Variants in ASTN2 observed in about 807,000 individuals in gnomAD.
ASTN2 encodes astrotactin-2.
Under a neutral mutation model 139.8 loss-of-function variants are expected in ASTN2, and 54 were observed. The observed-to-expected ratio is 0.39, with a 90% confidence interval of 0.31 to 0.48. ASTN2 has a LOEUF of 0.48. Among genes scored for constraint, ASTN2 ranks in the 20% least tolerant of loss-of-function variants. ASTN2 has a pLI of 0.95. For synonymous variants in ASTN2, 756 were observed against 719.5 expected, an observed-to-expected ratio of 1.05 and a Z score of -0.81; for missense variants, 1,565 against 1,725.1, an observed-to-expected ratio of 0.91 and a Z score of 1.64.
intron 10 of ASTN2, among the ~76,000 whole-genome samples, chr9:116,949,942 T>C (rs935218610): frequency 6.6e-6 from 1 of 152,228 alleles, no homozygotes; most frequent in Non-Finnish European, 1.5e-5. Context: ...GTCTAGCATA[T>C]GGAAAATGTT....
intron 10 of ASTN2, among the ~76,000 whole-genome samples, chr9:116,903,778 T>C (rs1190021159): frequency 6.6e-6 from 1 of 152,182 alleles, no homozygotes; most frequent in Admixed American, 6.5e-5. Flanking sequence ...TTTTTTTCCA[T>C]GCAGAGGCCT....
intron 5 of ASTN2, among the ~76,000 whole-genome samples, chr9:117,072,629 G>A (rs945953580): frequency 6.6e-6 from 1 of 152,164 alleles, no homozygotes; most frequent in African/African-American, 2.4e-5. Flanking sequence ...ATAGTTCCAG[G>A]GGCCCTGATC....
intron 11 of ASTN2, among the ~76,000 whole-genome samples, chr9:116,857,317 C>T (rs973042403): frequency 6.6e-6 from 1 of 152,286 alleles, no homozygotes; most frequent in Non-Finnish European, 1.5e-5. Context: ...CCAGTTCTCT[C>T]GTATGACCAC....
intron 17 of ASTN2, among the ~76,000 whole-genome samples, chr9:116,625,510 T>C (rs952980671): frequency 6.6e-6 from 1 of 152,190 alleles, no homozygotes; most frequent in Non-Finnish European, 1.5e-5. Flanking sequence ...GCACTTGCCG[T>C]GGCCTTTGGA....
Position 116,446,315 on chromosome 9 carries a change from C to T in ASTN2, c.3498-3762G>A, listed in dbSNP as rs890622434. On this transcript the variant is annotated intron_variant, in intron 20 of 22. Transcript: ENST00000313400. ...GAGAGAGAGAGAGAGAGAGAATAAT[C>T]AGACCTCTGAGTTTCTTGAGATCAG... Among the ~76,000 whole-genome samples the T allele has an allele frequency of 1.1e-4, 12 of 105,106 alleles. No homozygotes were observed. The Admixed American group carries it at 1.2e-3, about 10-fold the overall frequency. The allele number at this position is 105,106 out of a possible 152,430, so 69.0% of individuals were successfully genotyped here.
chr9:116,889,786 C>G (rs533635850), intron 10 of ASTN2, among the ~76,000 whole-genome samples: 9 of 147,764 alleles, frequency 6.1e-5, no homozygotes, highest in African/African-American at 2.0e-4. Flanking sequence ...AGAAAATTAG[C>G]CAGATGTGGT....
intron 14 of ASTN2, among the ~76,000 whole-genome samples, chr9:116,731,612 C>T (rs1211961647): frequency 3.3e-5 from 5 of 152,002 alleles, no homozygotes; most frequent in African/African-American, 7.3e-5. Context: ...TTAGTAGAGA[C>T]GGGGTTTCAT....
intron 2 of ASTN2, among the ~76,000 whole-genome samples, chr9:117,275,193 T>C (rs1834156904): frequency 6.6e-6 from 1 of 152,160 alleles, no homozygotes; most frequent in Non-Finnish European, 1.5e-5. Flanking sequence ...ATCAACAGTG[T>C]TTTCAAAGCA....
intron 2 of ASTN2, among the ~76,000 whole-genome samples, chr9:117,267,953 A>G (rs1326592345): frequency 6.6e-6 from 1 of 152,216 alleles, no homozygotes; most frequent in African/African-American, 2.4e-5. Flanking sequence ...GTTACATATC[A>G]GGTGTCTATG....
At chr9:117,191,164 A>C (rs571331140) in intron 3 of ASTN2, among the ~76,000 whole-genome samples, 11 of 152,034 alleles carry the variant, frequency 7.2e-5, no homozygotes, top group Admixed American at 5.2e-4. Context: ...CTGAGGAAAT[A>C]ACACAGAATA....
At chr9:116,827,048 G>C (rs1831650623) in intron 11 of ASTN2, among the ~76,000 whole-genome samples, 1 of 152,094 alleles carries the variant, frequency 6.6e-6, no homozygotes, top group African/African-American at 2.4e-5. Flanking sequence ...GGTGGCTCAT[G>C]CTTGTAATCC....
chr9:117,268,974 C>G (rs1052966274), intron 2 of ASTN2, among the ~76,000 whole-genome samples: 1 of 152,168 alleles, frequency 6.6e-6, no homozygotes, highest in African/African-American at 2.4e-5. Flanking sequence ...AATAGCAATA[C>G]GAATACCTAC....
intron 6 of ASTN2, among the ~76,000 whole-genome samples, chr9:117,024,414 T>TAAAAA (rs1837991465): frequency 7.0e-6 from 1 of 143,608 alleles, no homozygotes; most frequent in South Asian, 2.3e-4. Context: ...TTGTTTTTTT[T>TAAAAA]TAAAAAGTTA....
At chr9:117,300,295 T>A (rs1301666190) in intron 1 of ASTN2, among the ~76,000 whole-genome samples, 1 of 152,194 alleles carries the variant, frequency 6.6e-6, no homozygotes, top group Non-Finnish European at 1.5e-5. Context: ...TCCCCTTGCT[T>A]CAGTTTTTTC....
chr9:117,360,501 G>A (rs903358247), intron 1 of ASTN2, among the ~76,000 whole-genome samples: 4 of 152,292 alleles, frequency 2.6e-5, no homozygotes, highest in Non-Finnish European at 4.4e-5. Context: ...GAGCAAGTGC[G>A]CTGGGGATAT....
At chr9:117,009,681 G>A (rs992328942) in intron 6 of ASTN2, among the ~76,000 whole-genome samples, 1 of 152,122 alleles carries the variant, frequency 6.6e-6, no homozygotes, top group East Asian at 1.9e-4. Context: ...CTACCTCACT[G>A]TCAAGTAAAA....
intron 4 of ASTN2, among the ~76,000 whole-genome samples, chr9:117,118,729 C>T (rs1196920256): frequency 6.6e-6 from 1 of 152,034 alleles, no homozygotes; most frequent in Non-Finnish European, 1.5e-5. Flanking sequence ...TCTTCCTGCC[C>T]TTCTCACTCA....
chr9:116,733,339 G>C, intron 14 of ASTN2, 60 bp downstream of exon 14: 1 of 1,600,112 alleles, frequency 6.2e-7, no homozygotes. Context: ...ATATGCACTA[G>C]GTGTGGAGAC....
intron 16 of ASTN2, among the ~76,000 whole-genome samples, chr9:116,719,221 T>G (rs1379667973): frequency 6.6e-6 from 1 of 151,168 alleles, no homozygotes; most frequent in Non-Finnish European, 1.5e-5. Context: ...AATTTAAGAG[T>G]TATTTGAGAA....
Sources: allele counts gnomAD v4.1 joint callset (sites outside exome capture counted in the v4.1 genomes callset), GRCh38; gene constraint gnomAD v4.1.1; transcripts MANE v1.5; gene names NCBI Gene and HGNC (gene_info 2026-07-23, HGNC 2026-07-21).